TSPEAR: variants seen among roughly 807,000 people sequenced by gnomAD.
TSPEAR encodes the protein thrombospondin type laminin G domain and EAR repeats.
In TSPEAR, 69 loss-of-function variants were observed where a neutral mutation model predicts 71.6. The observed-to-expected ratio is 0.96, with a 90% confidence interval of 0.79 to 1.18. The LOEUF (loss-of-function observed/expected upper bound fraction) is 1.18, where lower values mean the gene tolerates loss of function less well. Ranked by LOEUF, TSPEAR falls within the 50% of genes most tolerant of loss-of-function variation. TSPEAR has a pLI of 0.00. For missense variants in TSPEAR, 971 were observed against 894.9 expected, an observed-to-expected ratio of 1.09 and a Z score of -1.09; for synonymous variants, 402 against 387.2, an observed-to-expected ratio of 1.04 and a Z score of -0.45.
At chr21:44,615,549 G>GTTTT in intron 1 of TSPEAR, among the ~76,000 whole-genome samples, 1 of 136,538 alleles carries the variant, frequency 7.3e-6, no homozygotes, top group South Asian at 2.3e-4. Flanking sequence ...ATAACCAAAG[G>GTTTT]TTTTTTTTTT....
intron 1 of TSPEAR, among the ~76,000 whole-genome samples, chr21:44,598,114 T>C (rs1349238084): frequency 1.3e-5 from 2 of 152,104 alleles, no homozygotes; most frequent in Non-Finnish European, 2.9e-5. Context: ...CTTTACTACA[T>C]GCCCAGGCAT....
chr21:44,573,471 C>T (rs1555922954), intron 1 of TSPEAR, among the ~76,000 whole-genome samples: 1 of 152,196 alleles, frequency 6.6e-6, no homozygotes, highest in Non-Finnish European at 1.5e-5. Context: ...CCTGAACTGC[C>T]CCTCAGCTCT....
chr21:44,613,040 C>A, intron 1 of TSPEAR: 1 of 1,102,272 alleles, frequency 9.1e-7, no homozygotes, highest in Admixed American at 2.5e-5. Context: ...TCCCAGGAGC[C>A]TCCATCCTCA....
chr21:44,660,037 G>A (rs1985404045), intron 1 of TSPEAR, among the ~76,000 whole-genome samples: 1 of 152,170 alleles, frequency 6.6e-6, no homozygotes, highest in South Asian at 2.1e-4. Context: ...ACCAGGTGTG[G>A]AAGCTTTGAA....
intron 1 of TSPEAR, chr21:44,658,048 C>G: frequency 6.2e-7 from 1 of 1,612,590 alleles, no homozygotes. Flanking sequence ...GCCAGGCATC[C>G]TGCTATGTGC....
intron 1 of TSPEAR, chr21:44,654,258 T>A (rs1984986940): frequency 6.2e-7 from 1 of 1,607,482 alleles, no homozygotes; most frequent in Non-Finnish European, 8.5e-7. Flanking sequence ...CCTACGAGGG[T>A]CATAGGAGGC....
intron 1 of TSPEAR, among the ~76,000 whole-genome samples, chr21:44,707,250 C>T (rs1348016092): frequency 1.3e-5 from 2 of 148,852 alleles, no homozygotes; most frequent in Non-Finnish European, 3.0e-5. Flanking sequence ...CTGCCCCCAC[C>T]GCAACACCAA....
rs1555944852 is a variant in TSPEAR, at chr21:44,666,708, C to T, written c.82+44725G>A. 3 of 1,613,950 alleles carry T rather than the reference C, an allele frequency of 1.9e-6. No individual in the cohort carries two copies. The African/African-American group carries it at 4.0e-5, about 22-fold the overall frequency. On this transcript the variant is annotated intron_variant, in intron 1 of 11. Transcript: ENST00000323084. ...CATGGGCACACACACAGAAGACTGG[C>T]AGCTCACGGGCAGGCACACGGCTGG...
intron 2 of TSPEAR, among the ~76,000 whole-genome samples, chr21:44,558,992 T>A (rs1311697823): frequency 2.0e-5 from 3 of 152,046 alleles, no homozygotes; most frequent in Non-Finnish European, 4.4e-5. Context: ...TGTGGGCTTG[T>A]CCACAGAGAT....
rs782126412 is a variant in TSPEAR at position 44,528,534 on chromosome 21, C to T, written c.840G>A (p.Val280=). The part of the protein sequence containing the change: ...TLGPQPPCTE[V]EDAQFWFDAS... ...CATCAAACCAGAACTGGGCGTCTTC[C>T]ACCTCGGTACACGGTGGCTGGGGTC... is the stretch of plus-strand genomic sequence containing the variant. Residue 280 remains valine (V), a synonymous_variant, in exon 6 of 12, where the codon GTG becomes GTA. Coordinates refer to ENST00000323084, the MANE Select transcript of TSPEAR (RefSeq NM_144991.3). 15 of 1,614,040 alleles carry T rather than the reference C, an allele frequency of 9.3e-6. No homozygotes were observed. The African/African-American group carries it at 1.1e-4, about 11-fold the overall frequency.
chr21:44,702,294 C>A, intron 1 of TSPEAR: 1 of 1,609,530 alleles, frequency 6.2e-7, no homozygotes, highest in Non-Finnish European at 8.5e-7. Flanking sequence ...CCTGCTGCGC[C>A]GCCAGCTGCT....
chr21:44,532,030 T>C lies in TSPEAR; in HGVS notation c.543-897A>G, dbSNP rs76514316. Among the ~76,000 whole-genome samples the C allele has an allele frequency of 4.9e-4, 74 of 152,350 alleles. 2 individuals are homozygous for C. The East Asian group carries it at 0.013, about 26-fold the overall frequency. ...GGTGAGCTCAGCTCCTGCCCTGCTG[T>C]CCCAGAAAGCCCCGTCCTCTGCACA... On this transcript the variant is annotated intron_variant, in intron 3 of 11. Coordinates refer to ENST00000323084, the MANE Select transcript of TSPEAR (RefSeq NM_144991.3).
intron 1 of TSPEAR, chr21:44,698,047 G>T (rs13051842): frequency 7.3e-7 from 1 of 1,361,032 alleles, no homozygotes; most frequent in Non-Finnish European, 1.0e-6. Flanking sequence ...GGCTGCTCTG[G>T]TGTCTGTCTC....
chr21:44,544,408 G>A (rs1555917551), intron 2 of TSPEAR, among the ~76,000 whole-genome samples: 2 of 152,200 alleles, frequency 1.3e-5, no homozygotes, highest in African/African-American at 4.8e-5. Context: ...TATTGATGGT[G>A]TTGGTGGAGA....
At chr21:44,658,201 G>A (rs782353512) in intron 1 of TSPEAR, 14 of 1,614,030 alleles carry the variant, frequency 8.7e-6, no homozygotes, top group Non-Finnish European at 1.2e-5. Flanking sequence ...AATCTTCGGG[G>A]TGCTGCCAGC....
chr21:44,566,085 C>T (rs1361632603), intron 2 of TSPEAR, among the ~76,000 whole-genome samples: 34 of 152,198 alleles, frequency 2.2e-4, no homozygotes, highest in African/African-American at 6.5e-4. Flanking sequence ...GAGGCTGAGG[C>T]GGGAGAATCG....
chr21:44,625,909 AG>A (rs1470654656), intron 1 of TSPEAR, among the ~76,000 whole-genome samples: 2 of 152,328 alleles, frequency 1.3e-5, no homozygotes, highest in East Asian at 3.9e-4. Flanking sequence ...GTAAGACTGA[AG>A]GGCCACCCCT....
At chr21:44,539,220 C>A in intron 2 of TSPEAR, 1 of 1,553,974 alleles carries the variant, frequency 6.4e-7, no homozygotes, top group Non-Finnish European at 8.7e-7. Context: ...GGGGAAGCCA[C>A]CTAACCCAGG....
intron 9 of TSPEAR, among the ~76,000 whole-genome samples, chr21:44,513,286 G>C (rs782305881): frequency 6.6e-6 from 1 of 152,190 alleles, no homozygotes; most frequent in African/African-American, 2.4e-5. Context: ...TGCTGAAGCC[G>C]GGGCCTTCTC....
Sources: allele counts gnomAD v4.1 joint callset (sites outside exome capture counted in the v4.1 genomes callset), GRCh38; gene constraint gnomAD v4.1.1; transcripts MANE v1.5; gene names NCBI Gene and HGNC (gene_info 2026-07-23, HGNC 2026-07-21).